Variants in DACH2 observed in about 807,000 individuals in gnomAD.
The protein encoded by DACH2 is dachshund family transcription factor 2.
A neutral mutation model predicts 35.8 loss-of-function variants in DACH2; 17 were observed. That is an observed-to-expected ratio of 0.48 (90% CI 0.33 to 0.71). DACH2 has a LOEUF of 0.71. Among genes scored for constraint, DACH2 ranks in the 30% least tolerant of loss-of-function variants. The pLI is 0.02. For missense variants in DACH2, 469 were observed against 472.7 expected, an observed-to-expected ratio of 0.99 and a Z score of 0.07; for synonymous variants, 195 against 177.3, an observed-to-expected ratio of 1.10 and a Z score of -0.79.
intron 9 of DACH2, among the ~76,000 whole-genome samples, chrX:86,813,755 T>A (rs1168291509): frequency 9.0e-6 from 1 of 110,905 alleles, no homozygotes; most frequent in African/African-American, 3.3e-5. Flanking sequence ...CAACTACCTA[T>A]GTGATCTTTG....
intron 1 of DACH2, among the ~76,000 whole-genome samples, chrX:86,285,267 G>A (rs904997120): frequency 9.0e-6 from 1 of 111,397 alleles, no homozygotes; most frequent in African/African-American, 3.3e-5. Context: ...TATCTCATCA[G>A]ATTGTTTATT....
At position 86,427,465 on chromosome X, in the gene DACH2, C is replaced by G. The variant is rs1222543033; in HGVS notation, c.527+50603C>G. Among the ~76,000 whole-genome samples, 3 of 110,560 alleles carry G rather than the reference C, an allele frequency of 2.7e-5. No individual in the cohort carries two copies. The Admixed American group carries it at 2.9e-4, about 11-fold the overall frequency. On this transcript the variant is annotated intron_variant, in intron 2 of 11. Transcript: ENST00000373125. ...TTGTTCTGAGCGTGTAGTGAATTGTCTGTGGAAAAAAGAAGTCCATTCTGG... is the reference window on the plus strand; with the variant it reads ...TTGTTCTGAGCGTGTAGTGAATTGTGTGTGGAAAAAAGAAGTCCATTCTGG...
At chrX:86,422,789 T>C (rs1375752988) in intron 2 of DACH2, among the ~76,000 whole-genome samples, 4 of 110,905 alleles carry the variant, frequency 3.6e-5, no homozygotes, top group Non-Finnish European at 7.6e-5. Context: ...TTTGCATCCA[T>C]TAACCATCCC....
intron 1 of DACH2, among the ~76,000 whole-genome samples, chrX:86,187,103 A>G (rs2031704450): frequency 8.9e-6 from 1 of 111,933 alleles, no homozygotes; most frequent in African/African-American, 3.2e-5. Context: ...GCTTAACAGT[A>G]GTTAATGAAG....
chrX:86,760,671 C>A (rs983700782), intron 7 of DACH2, among the ~76,000 whole-genome samples: 5 of 111,030 alleles, frequency 4.5e-5, no homozygotes, highest in African/African-American at 1.6e-4. Flanking sequence ...TCTTTAATAT[C>A]GATATTTTAA....
At position 86,295,841 on chromosome X, in the gene DACH2, G is replaced by A. The variant is rs180745506; in HGVS notation, c.489-80983G>A. 9.1e-3 allele frequency among the ~76,000 whole-genome samples: 984 copies of A among 108,373 alleles called. 6 individuals are homozygous for A. Among genetic ancestry groups the A allele is most frequent in the Non-Finnish European group, 0.014 (758 of 52,491 alleles). The allele number at this position is 108,373 out of a possible 115,157, so 94.1% of individuals were successfully genotyped here. A position where few individuals can be genotyped will look rare whatever the true frequency, so the allele number is the denominator to read the frequency against. ...CATCAGAGAACAAGATTTTTTTTTT[G>A]TACTTCTTCAGTGCCTCTTTCAGTG... On this transcript the variant is annotated intron_variant, in intron 1 of 11. Transcript: ENST00000373125.
chrX:86,684,148 C>T (rs1416401074), intron 4 of DACH2, among the ~76,000 whole-genome samples: 1 of 111,717 alleles, frequency 9.0e-6, no homozygotes, highest in East Asian at 2.8e-4. Flanking sequence ...TAATAATTAA[C>T]TCTCACCATT....
chrX:86,751,555 G>C (rs183203556), intron 7 of DACH2, among the ~76,000 whole-genome samples: 5 of 110,970 alleles, frequency 4.5e-5, no homozygotes, highest in African/African-American at 1.3e-4. Context: ...TTCAACATTA[G>C]GTCAAATTAG....
chrX:86,546,892 A>G (rs1019054912), intron 3 of DACH2, among the ~76,000 whole-genome samples: 1 of 109,653 alleles, frequency 9.1e-6, no homozygotes, highest in Admixed American at 9.7e-5. Flanking sequence ...CTACTTACCT[A>G]CTTTTTTGCA....
At position 86,811,840 on chromosome X, in the gene DACH2, C is replaced by T. The variant is rs376167960; in HGVS notation, c.1241-1016C>T. Among the ~76,000 whole-genome samples the T allele has an allele frequency of 4.5e-5, 5 of 111,562 alleles. No homozygotes were observed. The East Asian group carries it at 1.4e-3, about 32-fold the overall frequency. Reference sequence around the variant, plus strand: ...GGGTTCTCAAAGTAGGAGGGGATTCCCTTTATAATTAGGTATATCTGTTTT... The same window carrying T: ...GGGTTCTCAAAGTAGGAGGGGATTCTCTTTATAATTAGGTATATCTGTTTT... On this transcript the variant is annotated intron_variant, in intron 7 of 11. Coordinates refer to ENST00000373125, the MANE Select transcript of DACH2 (RefSeq NM_053281.3).
chrX:86,358,431 C>CCA (rs752012562), intron 1 of DACH2, among the ~76,000 whole-genome samples: 2,318 of 87,469 alleles, frequency 0.027, 40 homozygotes, highest in African/African-American at 0.053. Context: ...CCCAGCCCCG[C>CCA]CACACACACA....
At chrX:86,449,243 A>C (rs748728300) in intron 2 of DACH2, among the ~76,000 whole-genome samples, 1 of 72,183 alleles carries the variant, frequency 1.4e-5, no homozygotes, top group East Asian at 4.3e-4. Context: ...CCTTTCAAAA[A>C]ACCAGCTCCT....
In DACH2 at chrX:86,236,942, C is replaced by G. The variant is rs1043092288; in HGVS notation, c.488+87834C>G. Among the ~76,000 whole-genome samples the G allele has an allele frequency of 2.7e-5, 3 of 112,577 alleles. No individual in the cohort carries two copies. In the Admixed American group the frequency reaches 2.8e-4, roughly 11 times the overall value. On this transcript the variant is annotated intron_variant, in intron 1 of 11. Transcript: ENST00000373125. ...TACGAACTTCTATATTTTTAAAAAA[C>G]TGTTTTACCCTTTTGTAATAACACA... is the stretch of plus-strand genomic sequence containing the variant.
chrX:86,824,981 T>G (rs1468977348), intron 11 of DACH2, among the ~76,000 whole-genome samples: 3 of 112,494 alleles, frequency 2.7e-5, no homozygotes, highest in African/African-American at 9.7e-5. Context: ...TCGAGTATTA[T>G]AGTGTTCTTC....
At chrX:86,451,103 G>T (rs756031462) in intron 2 of DACH2, among the ~76,000 whole-genome samples, 25 of 111,308 alleles carry the variant, frequency 2.2e-4, no homozygotes, top group Non-Finnish European at 4.3e-4. Flanking sequence ...TCCTTTCATT[G>T]CAATTGCTTT....
chrX:86,269,248 A>G (rs1277536426), intron 1 of DACH2, among the ~76,000 whole-genome samples: 2 of 111,479 alleles, frequency 1.8e-5, no homozygotes, highest in East Asian at 5.7e-4. Flanking sequence ...TGCAATGTTT[A>G]TCTTTCTGTG....
chrX:86,513,002 A>C (rs1006040580), intron 2 of DACH2: 1 of 313,577 alleles, frequency 3.2e-6, no homozygotes, highest in Non-Finnish European at 6.1e-6. Context: ...TTGATATATA[A>C]TATTGATGTA....
At chrX:86,653,347 C>T (rs1363708336) in intron 4 of DACH2, among the ~76,000 whole-genome samples, 5 of 111,343 alleles carry the variant, frequency 4.5e-5, no homozygotes, top group African/African-American at 6.5e-5. Flanking sequence ...TAATATAATT[C>T]GAAGGCAGGT....
intron 1 of DACH2, among the ~76,000 whole-genome samples, chrX:86,371,848 C>T: frequency 9.0e-6 from 1 of 111,140 alleles, no homozygotes; most frequent in Non-Finnish European, 1.9e-5. Context: ...AGTTTATCTC[C>T]TACTGATGAT....
Sources: allele counts gnomAD v4.1 joint callset (sites outside exome capture counted in the v4.1 genomes callset), GRCh38; gene constraint gnomAD v4.1.1; transcripts MANE v1.5; gene names NCBI Gene and HGNC (gene_info 2026-07-23, HGNC 2026-07-21).